Variants in ELMO1 observed in about 807,000 individuals in gnomAD.
ELMO1 encodes the protein engulfment and cell motility protein 1.
Under a neutral mutation model 98.9 loss-of-function variants are expected in ELMO1, and 26 were observed. The ratio of observed to expected loss-of-function variants is 0.26; its 90% CI spans 0.19 to 0.36. ELMO1 has a LOEUF of 0.36. ELMO1 is among the 10% of genes least tolerant of loss of function. The pLI is 1.00. For synonymous variants in ELMO1, 346 were observed against 346.0 expected (o/e 1.00, Z 0.00); for missense variants, 627 against 935.2 (o/e 0.67, Z 4.30).
intron 1 of ELMO1, among the ~76,000 whole-genome samples, chr7:37,352,084 T>C (rs1801296588): frequency 6.6e-6 from 1 of 152,206 alleles, no homozygotes; most frequent in Admixed American, 6.5e-5. Flanking sequence ...AACTTACTAG[T>C]TCACTTACTA....
At chr7:37,443,942 T>C (rs1012766804) in intron 1 of ELMO1, among the ~76,000 whole-genome samples, 3 of 152,088 alleles carry the variant, frequency 2.0e-5, no homozygotes, top group Non-Finnish European at 2.9e-5. Context: ...TCTTTTTCTG[T>C]CCCCCAACCT....
intron 1 of ELMO1, among the ~76,000 whole-genome samples, chr7:37,369,390 T>C (rs773444804): frequency 7.9e-5 from 12 of 152,180 alleles, no homozygotes; most frequent in African/African-American, 2.9e-4. Context: ...TTGAGTGTCA[T>C]GTCGGCACTC....
chr7:37,361,603 A>G (rs1367293233), intron 1 of ELMO1, among the ~76,000 whole-genome samples: 1 of 152,246 alleles, frequency 6.6e-6, no homozygotes, highest in East Asian at 1.9e-4. Context: ...GAAGTCAGTT[A>G]TAAAAGACAA....
intron 10 of ELMO1, among the ~76,000 whole-genome samples, chr7:37,217,558 C>G (rs1211930055): frequency 1.3e-5 from 2 of 151,034 alleles, no homozygotes; most frequent in Non-Finnish European, 2.9e-5. Flanking sequence ...ATGATTTCTA[C>G]TAAGGTTAAA....
chr7:37,123,174 G>C (rs1786213650), intron 14 of ELMO1, among the ~76,000 whole-genome samples: 1 of 152,174 alleles, frequency 6.6e-6, no homozygotes, highest in African/African-American at 2.4e-5. Context: ...ATGCCCACAA[G>C]AGAAAGCAGG....
At chr7:37,448,193 G>A (rs1244310675) in intron 1 of ELMO1, among the ~76,000 whole-genome samples, 1 of 151,402 alleles carries the variant, frequency 6.6e-6, no homozygotes, top group Non-Finnish European at 1.5e-5. Context: ...AGAAGACGCC[G>A]AGTCTGAGCC....
At chr7:37,023,996 A>G (rs1397828138) in intron 15 of ELMO1, among the ~76,000 whole-genome samples, 3 of 152,148 alleles carry the variant, frequency 2.0e-5, no homozygotes, top group Non-Finnish European at 2.9e-5. Context: ...GAAGTGTTGC[A>G]CGTTTCTTTC....
intron 15 of ELMO1, among the ~76,000 whole-genome samples, chr7:37,040,860 T>G (rs556126751): frequency 6.6e-6 from 1 of 152,088 alleles, no homozygotes; most frequent in Non-Finnish European, 1.5e-5. Flanking sequence ...GCAGGTCACC[T>G]GAGGTCAGGA....
rs528301960 is a variant in ELMO1 at position 37,151,906 on chromosome 7, T to G, written c.1087-18672A>C. ...AATACGGTGACTTCTGCTTCAGTTTTGTTTTAGCCCATGGAAATCTGCCCA... is the reference window on the plus strand; with the variant it reads ...AATACGGTGACTTCTGCTTCAGTTTGGTTTTAGCCCATGGAAATCTGCCCA... On this transcript the variant is annotated intron_variant, in intron 13 of 21. Transcript: ENST00000310758. Among the ~76,000 whole-genome samples, 421 of 152,268 alleles carry G rather than the reference T, an allele frequency of 2.8e-3. 1 individual carries two copies. Among genetic ancestry groups the G allele is most frequent in the African/African-American group, 9.6e-3 (400 of 41,564 alleles).
chr7:37,407,648 T>C (rs1429958294), intron 1 of ELMO1, among the ~76,000 whole-genome samples: 1 of 152,122 alleles, frequency 6.6e-6, no homozygotes, highest in East Asian at 1.9e-4. Flanking sequence ...AAAACATCGG[T>C]AGTTGCCAGC....
chr7:37,217,232 C>T (rs1793338591), intron 10 of ELMO1, among the ~76,000 whole-genome samples: 1 of 152,188 alleles, frequency 6.6e-6, no homozygotes, highest in Non-Finnish European at 1.5e-5. Flanking sequence ...CTAGAGTCTA[C>T]ACTCACTGAG....
chr7:36,936,424 GT>G, intron 16 of ELMO1, among the ~76,000 whole-genome samples: 1 of 152,286 alleles, frequency 6.6e-6, no homozygotes, highest in Non-Finnish European at 1.5e-5. Flanking sequence ...CTGGCTTCTA[GT>G]TAAAGAGCCA....
At chr7:37,193,479 G>T (rs1791771048) in intron 13 of ELMO1, among the ~76,000 whole-genome samples, 1 of 152,178 alleles carries the variant, frequency 6.6e-6, no homozygotes, top group Non-Finnish European at 1.5e-5. Context: ...CACCCCTCGG[G>T]TTAAGGAGGT....
chr7:37,039,509 A>G (rs1795380133), intron 15 of ELMO1, among the ~76,000 whole-genome samples: 1 of 152,224 alleles, frequency 6.6e-6, no homozygotes. Context: ...TGACTCAACA[A>G]TAAGTGGTAC....
At chr7:37,263,316 T>C (rs1009744066) in intron 5 of ELMO1, among the ~76,000 whole-genome samples, 3 of 151,706 alleles carry the variant, frequency 2.0e-5, no homozygotes, top group Non-Finnish European at 4.4e-5. Context: ...AGTTATCCAG[T>C]GGAAAGGAAT....
intron 13 of ELMO1, among the ~76,000 whole-genome samples, chr7:37,188,742 T>C (rs1791398987): frequency 6.6e-6 from 1 of 152,098 alleles, no homozygotes; most frequent in Non-Finnish European, 1.5e-5. Flanking sequence ...TATTTTGTAA[T>C]ATGCATGGAA....
chr7:37,243,971 T>C (rs984812022), intron 7 of ELMO1, among the ~76,000 whole-genome samples: 5 of 152,222 alleles, frequency 3.3e-5, no homozygotes, highest in Admixed American at 1.3e-4. Flanking sequence ...ATCCGTTTTC[T>C]TTCTAAGCCA....
intron 13 of ELMO1, among the ~76,000 whole-genome samples, chr7:37,139,474 CA>C (rs922531307): frequency 6.6e-6 from 1 of 151,822 alleles, no homozygotes; most frequent in African/African-American, 2.4e-5. Context: ...ACAATAGCTG[CA>C]AAAAAATAAA....
rs77853585 is a variant in ELMO1 at position 37,093,988 on chromosome 7, C to T, written c.1300+2631G>A. On this transcript the variant is annotated intron_variant, in intron 15 of 21. Transcript: ENST00000310758. ...AAAACTCATAGGAAAAAGTATCAGT[C>T]CCAGCTCATTCTTCCACTTTCTGAA... is the stretch of plus-strand genomic sequence containing the variant. Among the ~76,000 whole-genome samples the T allele has an allele frequency of 6.7e-4, 101 of 151,854 alleles. 1 individual carries two copies. The highest frequency in any genetic ancestry group is 1.5e-3 in the South Asian group (7 of 4,818).
Sources: allele counts gnomAD v4.1 joint callset (sites outside exome capture counted in the v4.1 genomes callset), GRCh38; gene constraint gnomAD v4.1.1; transcripts MANE v1.5; gene names NCBI Gene and HGNC (gene_info 2026-07-23, HGNC 2026-07-21).